Variants in CTNNA3 observed in about 807,000 individuals in gnomAD.
The protein encoded by CTNNA3 is catenin alpha-3.
A neutral mutation model predicts 95.7 loss-of-function variants in CTNNA3; 76 were observed. The observed-to-expected ratio is 0.79, with a 90% CI of 0.66 to 0.96. CTNNA3 has a LOEUF of 0.96. Among genes scored for constraint, CTNNA3 ranks in the 40% least tolerant of loss-of-function variants. CTNNA3 has a pLI of 0.00. For missense variants in CTNNA3, 1,191 were observed against 1,089.8 expected, an observed-to-expected ratio of 1.09 and a Z score of -1.31; for synonymous variants, 431 against 374.4, an observed-to-expected ratio of 1.15 and a Z score of -1.74.
At chr10:67,498,373 T>G (rs1839105024) in intron 5 of CTNNA3, among the ~76,000 whole-genome samples, 1 of 152,178 alleles carries the variant, frequency 6.6e-6, no homozygotes, top group Admixed American at 6.5e-5. Flanking sequence ...AGTGTGGTGC[T>G]TCCAGCTTTG....
intron 11 of CTNNA3, among the ~76,000 whole-genome samples, chr10:66,470,648 G>A (rs1839093368): frequency 6.6e-6 from 1 of 151,876 alleles, no homozygotes; most frequent in South Asian, 2.1e-4. Context: ...ATATATTAGA[G>A]TTGGACAAGC....
intron 15 of CTNNA3, among the ~76,000 whole-genome samples, chr10:66,018,713 G>T (rs1231065092): frequency 1.3e-5 from 2 of 151,984 alleles, no homozygotes; most frequent in Non-Finnish European, 2.9e-5. Flanking sequence ...TTGAAAAGAG[G>T]AATTATCTTT....
In CTNNA3 at chr10:66,827,828, T is replaced by C. The variant is rs116555395; in HGVS notation, c.1048-52304A>G. Among the ~76,000 whole-genome samples the C allele has an allele frequency of 7.3e-3, 1,119 of 152,318 alleles. 12 individuals are homozygous for C. Among genetic ancestry groups the C allele is most frequent in the African/African-American group, 0.025 (1,059 of 41,568 alleles). On this transcript the variant is annotated intron_variant, in intron 7 of 17. Transcript: ENST00000433211. ...CTGAAAGTAAAAGCTATAAAACCTT[T>C]CTAAAAGTCTCACAGTAACTTGGTA...
At chr10:66,805,482 C>CACATATATATACATATATATTTAT (rs1351930616) in intron 7 of CTNNA3, among the ~76,000 whole-genome samples, 1 of 148,878 alleles carries the variant, frequency 6.7e-6, no homozygotes, top group Non-Finnish European at 1.5e-5. Flanking sequence ...CATATATATA[C>CACATATATATACATATATATTTAT]ACATATATAT....
chr10:67,441,475 A>G (rs552960050), intron 5 of CTNNA3, among the ~76,000 whole-genome samples: 1 of 152,240 alleles, frequency 6.6e-6, no homozygotes, highest in East Asian at 1.9e-4. Context: ...TAGAACACCA[A>G]GCATATTTAA....
intron 12 of CTNNA3, among the ~76,000 whole-genome samples, chr10:66,308,369 A>G (rs947551315): frequency 1.3e-5 from 2 of 152,212 alleles, no homozygotes; most frequent in Non-Finnish European, 2.9e-5. Flanking sequence ...AGCACTAAAT[A>G]TTGAAACTTA....
intron 7 of CTNNA3, among the ~76,000 whole-genome samples, chr10:66,870,318 C>T (rs894249418): frequency 7.2e-5 from 11 of 152,112 alleles, no homozygotes; most frequent in Non-Finnish European, 1.3e-4. Context: ...ACTATACCAA[C>T]GGATGTTTTG....
intron 11 of CTNNA3, among the ~76,000 whole-genome samples, chr10:66,404,491 A>T (rs987946281): frequency 2.6e-5 from 4 of 152,290 alleles, no homozygotes; most frequent in Middle Eastern, 3.4e-3. Flanking sequence ...CACTTGGCTA[A>T]TTTCAAGGTA....
chr10:67,028,828 G>A (rs1475073855), intron 7 of CTNNA3, among the ~76,000 whole-genome samples: 1 of 152,130 alleles, frequency 6.6e-6, no homozygotes, highest in Non-Finnish European at 1.5e-5. Context: ...ACATTAGGAA[G>A]ATAGGAAATC....
chr10:66,311,505 T>C (rs1173469961), intron 12 of CTNNA3, among the ~76,000 whole-genome samples: 1 of 152,196 alleles, frequency 6.6e-6, no homozygotes, highest in Non-Finnish European at 1.5e-5. Context: ...TACATGACAG[T>C]GATCCAAACA....
chr10:66,605,789 A>G (rs1844099963), intron 10 of CTNNA3, among the ~76,000 whole-genome samples: 1 of 152,206 alleles, frequency 6.6e-6, no homozygotes, highest in African/African-American at 2.4e-5. Context: ...GACCTGCCTT[A>G]CAAGAGCTTC....
At chr10:66,621,458 T>C (rs569771502) in intron 10 of CTNNA3, among the ~76,000 whole-genome samples, 25 of 151,722 alleles carry the variant, frequency 1.6e-4, no homozygotes, top group African/African-American at 5.8e-4. Flanking sequence ...ACCCCATCTC[T>C]ATTAAAAATA....
At chr10:66,245,813 C>T (rs1911467) in intron 13 of CTNNA3, among the ~76,000 whole-genome samples, 25,239 of 152,210 alleles carry the variant, frequency 0.17, 2,224 homozygotes, top group East Asian at 0.26. Flanking sequence ...GGCAGCTCCT[C>T]TCAGGTTCTG....
At chr10:66,772,403 C>A (rs1350285819) in intron 8 of CTNNA3, among the ~76,000 whole-genome samples, 2 of 140,560 alleles carry the variant, frequency 1.4e-5, no homozygotes, top group Non-Finnish European at 3.0e-5. Flanking sequence ...CCAGCCTGGG[C>A]GGTACAGTGA....
chr10:66,379,397 T>TA lies in CTNNA3; in HGVS notation c.1532-46dup, dbSNP rs746368312. The TA allele has an allele frequency of 7.5e-6, 11 of 1,462,308 alleles. No homozygotes were observed. In the East Asian group the frequency reaches 2.5e-4, roughly 33 times the overall value. 90.6% of individuals were successfully genotyped at this position (1,462,308 alleles called of 1,614,324 possible). ...ATTAGTTTTTGCGTGTGTCTGTGTT[T>TA]AAAATCATACAAATCTAGCATATTA... On this transcript the variant is annotated intron_variant, in intron 11 of 17. Transcript: ENST00000433211.
chr10:67,323,832 C>T (rs1319807110), intron 5 of CTNNA3, among the ~76,000 whole-genome samples: 1 of 152,134 alleles, frequency 6.6e-6, no homozygotes, highest in African/African-American at 2.4e-5. Context: ...TCTTCCTGTC[C>T]ATGAGCATAG....
chr10:66,677,601 A>C (rs1010083927), intron 9 of CTNNA3, among the ~76,000 whole-genome samples: 3 of 152,080 alleles, frequency 2.0e-5, no homozygotes, highest in Non-Finnish European at 2.9e-5. Flanking sequence ...CATGATAGTG[A>C]ATAAGTCTCA....
At position 67,162,276 on chromosome 10, in the gene CTNNA3, A is replaced by G. The variant is rs558144017; in HGVS notation, c.1047+18041T>C. 2.0e-5 allele frequency among the ~76,000 whole-genome samples: 3 copies of G among 152,140 alleles called. No homozygotes were observed. In the South Asian group the frequency reaches 6.2e-4, roughly 32 times the overall value. On this transcript the variant is annotated intron_variant, in intron 7 of 17. Transcript: ENST00000433211. ...TTAAATTTTTCAACAAATTCTCAAG[A>G]CCACGAGTGGGACAAGGAAATATCC... is the stretch of plus-strand genomic sequence containing the variant.
intron 5 of CTNNA3, among the ~76,000 whole-genome samples, chr10:67,508,036 T>C (rs1402692572): frequency 6.6e-6 from 1 of 152,172 alleles, no homozygotes. Flanking sequence ...TTGTTTGTGA[T>C]GGAGTCTTGC....
Sources: allele counts gnomAD v4.1 joint callset (sites outside exome capture counted in the v4.1 genomes callset), GRCh38; gene constraint gnomAD v4.1.1; transcripts MANE v1.5; gene names NCBI Gene and HGNC (gene_info 2026-07-23, HGNC 2026-07-21).